ZNF853: variants seen among roughly 807,000 people sequenced by gnomAD.
ZNF853 encodes the protein zinc finger protein 853.
A neutral mutation model predicts 94.7 loss-of-function variants in ZNF853; 57 were observed. The ratio of observed to expected loss-of-function variants is 0.60; its 90% CI spans 0.49 to 0.75. The LOEUF (loss-of-function observed/expected upper bound fraction) is 0.75, where lower values mean the gene tolerates loss of function less well. Among genes scored for constraint, ZNF853 ranks in the 30% least tolerant of loss-of-function variants. The pLI is 0.00. For synonymous variants in ZNF853, 448 were observed against 406.3 expected (o/e 1.10, Z -1.23); for missense variants, 785 against 868.9 (o/e 0.90, Z 1.21).
intron 2 of ZNF853, chr7:6,617,705 T>C: frequency 1.1e-6 from 1 of 949,660 alleles, no homozygotes; most frequent in African/African-American, 1.8e-5. Context: ...GCCCCAGATG[T>C]TGGCTCCCTG....
At chr7:6,617,848 C>T in intron 2 of ZNF853, among the ~76,000 whole-genome samples, 12 of 152,078 alleles carry the variant, frequency 7.9e-5, no homozygotes, top group Admixed American at 7.9e-4. Flanking sequence ...CCTCTGGGAC[C>T]CACTCTGGGC....
chr7:6,621,228 T>C lies in ZNF853; in HGVS notation c.237T>C (p.Ala79=). Residue 79 remains alanine (A), a synonymous_variant, in exon 3 of 3, where the codon GCT becomes GCC. Coordinates refer to ENST00000457543, the MANE Select transcript of ZNF853 (RefSeq NM_017560.3). ...CCCCAGTGGGGGCCAGTGAAATCGC[T>C]GAGGAAACCCGGCCGGGACAACGAG... ...VSAPVGASEI[A]EETRPGQREL... 1.9e-6 allele frequency: 3 copies of C among 1,544,658 alleles called. No homozygotes were observed. The highest frequency in any genetic ancestry group is 2.6e-6 in the Non-Finnish European group (3 of 1,143,090).
chr7:6,622,887 C>T lies in ZNF853; in HGVS notation c.1896C>T (p.Arg632=), dbSNP rs1397617311. 3.9e-6 allele frequency: 5 copies of T among 1,268,630 alleles called. No individual in the cohort carries two copies. Among genetic ancestry groups the T allele is most frequent in the East Asian group, 6.9e-5 (2 of 29,170 alleles). The allele number at this position is 1,268,630 out of a possible 1,614,324, so 78.6% of individuals were successfully genotyped here. Residue 632 remains arginine (R), a synonymous_variant, in exon 3 of 3, where the codon CGC becomes CGT. Transcript: ENST00000457543. The part of the protein sequence containing the change: ...AGRSRGLGLL[R]ASRPAALGGP... ...GCTCCAGGGGCCTCGGCCTGCTGCGCGCCTCGCGGCCGGCGGCCCTCGGTG... is the reference window on the plus strand; with the variant it reads ...GCTCCAGGGGCCTCGGCCTGCTGCGTGCCTCGCGGCCGGCGGCCCTCGGTG...
rs1782700858 is a variant in ZNF853, at chr7:6,624,069, C to T, written c.*1098C>T. 1 of 152,252 alleles carries T rather than the reference C, an allele frequency of 6.6e-6. No homozygotes were observed. Among genetic ancestry groups the T allele is most frequent in the South Asian group, 2.1e-4 (1 of 4,834 alleles). 9.4% of individuals were successfully genotyped at this position (152,252 alleles called of 1,614,324 possible). On this transcript the variant is annotated 3_prime_UTR_variant, in exon 3 of 3. Transcript: ENST00000457543. Reference sequence around the variant, plus strand: ...CTGGGGCAGGGGTTGTGAGCTGCAGCAGTTGCTGGTGCCTTGTGGGAAGGT... The same window carrying T: ...CTGGGGCAGGGGTTGTGAGCTGCAGTAGTTGCTGGTGCCTTGTGGGAAGGT...
rs553491940 is a variant in ZNF853 at position 6,616,142 on chromosome 7, C to G, written c.-33C>G. The G allele has an allele frequency of 1.3e-6, 2 of 1,544,350 alleles. No homozygotes were observed. Among genetic ancestry groups the G allele is most frequent in the South Asian group, 2.4e-5 (2 of 83,604 alleles). ...ACCTCGCAGCCTCTGCTGACCACAC[C>G]TCCCTAGCGCAGAGGCTGCCCGGGA... On this transcript the variant is annotated 5_prime_UTR_variant, in exon 1 of 3. Coordinates refer to ENST00000457543, the MANE Select transcript of ZNF853 (RefSeq NM_017560.3).
Position 6,621,624 on chromosome 7 carries a change from A to G in ZNF853, c.633A>G (p.Leu211=), listed in dbSNP as rs1411643381. The change falls in exon 3 of 3, where the codon TTA becomes TTG. Residue 211 remains leucine (L), a synonymous_variant. Transcript: ENST00000457543. Reference sequence around the variant, plus strand: ...TGTTACAGCAACAGCAGGAACAGTTACAGCAGCAGCAGCTGCTACAACAGC... The same window carrying G: ...TGTTACAGCAACAGCAGGAACAGTTGCAGCAGCAGCAGCTGCTACAACAGC... The part of the protein sequence containing the change: ...QQLLQQQQEQ[L]QQQQLLQQQE... 4 of 1,549,600 alleles carry G rather than the reference A, an allele frequency of 2.6e-6. No individual in the cohort carries two copies. The highest frequency in any genetic ancestry group is 3.9e-5 in the Admixed American group (2 of 50,968).
chr7:6,621,563 A>G lies in ZNF853; in HGVS notation c.572A>G (p.Gln191Arg). ...CAAGAGCAACAGGTATTGCAGCAGC[A>G]GGAACAGCTACAGCAGCAAGTGCAA... ...QAQEQQVLQQ[Q>R]EQLQQQVQEQ... The change falls in exon 3 of 3, where the codon CAG becomes CGG. Residue 191 changes from glutamine (Q) to arginine (R), a missense_variant. Transcript: ENST00000457543. The G allele has an allele frequency of 4.5e-6, 7 of 1,551,696 alleles. No homozygotes were observed. The highest frequency in any genetic ancestry group is 6.1e-6 in the Non-Finnish European group (7 of 1,146,950).
Position 6,623,528 on chromosome 7 carries a change from G to A in ZNF853, c.*557G>A, listed in dbSNP as rs893365662. 4.8e-5 allele frequency: 19 copies of A among 395,442 alleles called. No homozygotes were observed. The highest frequency in any genetic ancestry group is 3.9e-4 in the African/African-American group (19 of 48,564). 24.5% of individuals were successfully genotyped at this position (395,442 alleles called of 1,614,324 possible). On this transcript the variant is annotated 3_prime_UTR_variant, in exon 3 of 3. Transcript: ENST00000457543. ...TTCCAAGATGAAAATTCATCAGGGT[G>A]GGTATAATTCTGATGAAAACGCCTG... is the stretch of plus-strand genomic sequence containing the variant.
At chr7:6,619,259 T>TG in intron 2 of ZNF853, among the ~76,000 whole-genome samples, 1 of 150,938 alleles carries the variant, frequency 6.6e-6, no homozygotes, top group Non-Finnish European at 1.5e-5. Context: ...GGGTTGTTGT[T>TG]TTTGTTTGTT....
rs1421067092 is a variant in ZNF853, at chr7:6,622,394, C to T, written c.1403C>T (p.Ala468Val). ...VAIPGPAGSA[A>V]LTPARQRRRR... ...ATCCCGGGCCCGGCAGGCAGCGCGG[C>T]GTTGACCCCTGCACGGCAGCGGCGG... The change falls in exon 3 of 3, where the codon GCG becomes GTG. Residue 468 changes from alanine (A) to valine (V), a missense_variant. Physicochemically the swap from Ala to Val is moderately conservative, Grantham distance 64. Transcript: ENST00000457543. 41 of 1,395,042 alleles carry T rather than the reference C, an allele frequency of 2.9e-5. No homozygotes were observed. In the Admixed American group the frequency reaches 5.9e-4, roughly 20 times the overall value. The allele number at this position is 1,395,042 out of a possible 1,614,324, so 86.4% of individuals were successfully genotyped here.
At position 6,623,013 on chromosome 7, in the gene ZNF853, C is replaced by G. The variant is rs1782670652; in HGVS notation, c.*42C>G. ...TGCCTGGCCGGGAGGGGACCCCCCA[C>G]CCGCCTCCACCTGAAAAGCTCCTTG... is the stretch of plus-strand genomic sequence containing the variant. On this transcript the variant is annotated 3_prime_UTR_variant, in exon 3 of 3. Transcript: ENST00000457543. The G allele has an allele frequency of 4.8e-6, 6 of 1,237,660 alleles. No homozygotes were observed. Among genetic ancestry groups the G allele is most frequent in the Non-Finnish European group, 6.1e-6 (6 of 991,514 alleles). The allele number at this position is 1,237,660 out of a possible 1,614,324, so 76.7% of individuals were successfully genotyped here.
At position 6,615,979 on chromosome 7, in the gene ZNF853, G is replaced by A; in HGVS notation, c.-196G>A. 1 of 516,554 alleles carries A rather than the reference G, an allele frequency of 1.9e-6. No homozygotes were observed. Among genetic ancestry groups the A allele is most frequent in the Non-Finnish European group, 3.5e-6 (1 of 288,932 alleles). 32.0% of individuals were successfully genotyped at this position (516,554 alleles called of 1,614,324 possible). On this transcript the variant is annotated 5_prime_UTR_variant, in exon 1 of 3. Transcript: ENST00000457543. This position sits in a 1 kb window ranked among gnomAD's most constrained non-coding sequence, Gnocchi z 8.5. ...GCCGCTCCTCTCAGCCCCTTCCCTT[G>A]GCCCAGGGCGACCTCGGCAGCCCAG...
intron 2 of ZNF853, among the ~76,000 whole-genome samples, chr7:6,620,464 C>T: frequency 6.6e-6 from 1 of 152,066 alleles, no homozygotes; most frequent in African/African-American, 2.4e-5. Flanking sequence ...GTGCCAGTGC[C>T]GAGATCAGAG....
chr7:6,617,646 T>TC, intron 2 of ZNF853: 1 of 985,426 alleles, frequency 1.0e-6, no homozygotes, highest in Middle Eastern at 5.2e-4. Context: ...CCACTCAATT[T>TC]CCCGGATCCG....
In ZNF853 at chr7:6,622,117, C is replaced by G. The variant is rs1782632417; in HGVS notation, c.1126C>G (p.Gln376Glu). ...GCTGGAGCAACAGCTGGAGCAGCAG[C>G]AGCAGCAGCTGGAGCAGCAGGAGGT... The part of the protein sequence containing the change: ...QQLEQQLEQQ[Q>E]QQLEQQEVQL... Residue 376 changes from glutamine (Q) to glutamate (E), a missense_variant, in exon 3 of 3, where the codon CAG becomes GAG. Coordinates refer to ENST00000457543, the MANE Select transcript of ZNF853 (RefSeq NM_017560.3). 1 of 1,545,592 alleles carries G rather than the reference C, an allele frequency of 6.5e-7. No individual in the cohort carries two copies. The highest frequency in any genetic ancestry group is 1.4e-5 in the African/African-American group (1 of 72,964).
At chr7:6,617,581 G>A in intron 2 of ZNF853, 1 of 985,150 alleles carries the variant, frequency 1.0e-6, no homozygotes, top group Non-Finnish European at 1.2e-6. Context: ...GTGTTTCCTG[G>A]CAGCCAGAGG....
chr7:6,622,981 TC>T lies in ZNF853; in HGVS notation c.*11del. The T allele has an allele frequency of 1.3e-5, 16 of 1,247,200 alleles. No homozygotes were observed. Among genetic ancestry groups the T allele is most frequent in the Non-Finnish European group, 1.6e-5 (16 of 997,284 alleles). The allele number at this position is 1,247,200 out of a possible 1,614,324, so 77.3% of individuals were successfully genotyped here. ...AGACAAGGCGCTGTGAGGGCCGTGA[TC>T]GGGGCTGCCTGGCCGGGAGGGGACC... On this transcript the variant is annotated 3_prime_UTR_variant, in exon 3 of 3. Coordinates refer to ENST00000457543, the MANE Select transcript of ZNF853 (RefSeq NM_017560.3).
In ZNF853 at chr7:6,623,305, C is replaced by T. The variant is rs1026294393; in HGVS notation, c.*334C>T. 1 of 398,428 alleles carries T rather than the reference C, an allele frequency of 2.5e-6. No individual in the cohort carries two copies. The highest frequency in any genetic ancestry group is 4.4e-5 in the Admixed American group (1 of 22,702). 24.7% of individuals were successfully genotyped at this position (398,428 alleles called of 1,614,324 possible). ...ACGAACGAGGAAAAACCCCCAGTGGCGAGACGATTAATGACACTGGCCGAG... is the reference window on the plus strand; with the variant it reads ...ACGAACGAGGAAAAACCCCCAGTGGTGAGACGATTAATGACACTGGCCGAG... On this transcript the variant is annotated 3_prime_UTR_variant, in exon 3 of 3. Coordinates refer to ENST00000457543, the MANE Select transcript of ZNF853 (RefSeq NM_017560.3).
rs1237938997 is a variant in ZNF853 at position 6,623,826 on chromosome 7, G to A, written c.*855G>A. 2 of 152,662 alleles carry A rather than the reference G, an allele frequency of 1.3e-5. No individual in the cohort carries two copies. Among genetic ancestry groups the A allele is most frequent in the Admixed American group, 1.3e-4 (2 of 15,288 alleles). 9.5% of individuals were successfully genotyped at this position (152,662 alleles called of 1,614,324 possible). A position where few individuals can be genotyped will look rare whatever the true frequency, so the allele number is the denominator to read the frequency against. On this transcript the variant is annotated 3_prime_UTR_variant, in exon 3 of 3. Transcript: ENST00000457543. ...GAGGGTCCCCCAGAAGGAGCTCCGG[G>A]GTAGCCCCACTGTGGCCCCCCTGGA...
Sources: gnomAD v4.1 joint callset for allele counts (sites outside exome capture counted in the v4.1 genomes callset) on GRCh38, gnomAD v4.1.1 for gene constraint, Gnocchi (gnomAD v3.1) non-coding constraint, MANE v1.5 for transcripts, NCBI Gene and HGNC (gene_info 2026-07-23, HGNC 2026-07-21) for gene names.